Variants in DTNB observed in about 807,000 individuals in gnomAD.
The protein encoded by DTNB is dystrobrevin beta.
DTNB carries 63 observed loss-of-function variants against 90.7 expected under a neutral mutation model. That is an observed-to-expected ratio of 0.69 (90% CI 0.57 to 0.86). The LOEUF (loss-of-function observed/expected upper bound fraction) is 0.86. DTNB is among the 40% of genes least tolerant of loss of function. The pLI is 0.00. For synonymous variants in DTNB, 277 were observed against 286.7 expected (o/e 0.97, Z 0.34); for missense variants, 744 against 807.1 (o/e 0.92, Z 0.95).
intron 3 of DTNB, among the ~76,000 whole-genome samples, chr2:25,637,255 C>G (rs1010535108): frequency 2.0e-5 from 3 of 152,108 alleles, no homozygotes; most frequent in African/African-American, 7.2e-5. Flanking sequence ...CATAAAAACC[C>G]TAGAAGAAAA....
In DTNB at chr2:25,606,191, T is replaced by A. The variant is rs1181585786; in HGVS notation, c.448+1045A>T. ...GATCAAACCTCTGTATCTTTCAATT[T>A]AAAAAAAAAAAGGGCATGGAGGAAT... On this transcript the variant is annotated intron_variant, in intron 5 of 20. Transcript: ENST00000406818. Among the ~76,000 whole-genome samples, 9 of 148,322 alleles carry A rather than the reference T, an allele frequency of 6.1e-5. No homozygotes were observed. The South Asian group carries it at 1.3e-3, about 21-fold the overall frequency.
At chr2:25,463,571 T>C (rs935467988) in intron 10 of DTNB, among the ~76,000 whole-genome samples, 2 of 152,254 alleles carry the variant, frequency 1.3e-5, no homozygotes, top group Non-Finnish European at 2.9e-5. Context: ...CACTGAATTG[T>C]ACATCTTGAA....
At chr2:25,407,274 T>C (rs1388198565) in intron 16 of DTNB, among the ~76,000 whole-genome samples, 1 of 152,116 alleles carries the variant, frequency 6.6e-6, no homozygotes, top group Non-Finnish European at 1.5e-5. Context: ...AAAAACAATA[T>C]ACTTTGGCAT....
At chr2:25,536,114 G>A (rs977214962) in intron 8 of DTNB, among the ~76,000 whole-genome samples, 12 of 148,406 alleles carry the variant, frequency 8.1e-5, no homozygotes, top group South Asian at 2.2e-4. Context: ...CGGGGCGGCC[G>A]GGCAGAGGCA....
chr2:25,522,775 G>A (rs796394551), intron 9 of DTNB, among the ~76,000 whole-genome samples: 21 of 148,792 alleles, frequency 1.4e-4, no homozygotes, highest in African/African-American at 4.5e-4. Context: ...ATCTCGGCTC[G>A]CTGCAACCTC....
chr2:25,603,018 A>G (rs1219881901), intron 5 of DTNB, among the ~76,000 whole-genome samples: 1 of 152,332 alleles, frequency 6.6e-6, no homozygotes, highest in Non-Finnish European at 1.5e-5. Context: ...CTCAAGAAGT[A>G]GACTGAGTGA....
At chr2:25,396,986 T>C (rs539531953) in intron 16 of DTNB, among the ~76,000 whole-genome samples, 21 of 152,182 alleles carry the variant, frequency 1.4e-4, no homozygotes, top group African/African-American at 5.1e-4. Flanking sequence ...AGATTTTAGA[T>C]AACTGAATTT....
chr2:25,632,252 T>C (rs1383178852), intron 3 of DTNB, among the ~76,000 whole-genome samples: 1 of 130,954 alleles, frequency 7.6e-6, no homozygotes, highest in African/African-American at 2.8e-5. Flanking sequence ...CAAATCTCAA[T>C]AAATGTTAAA....
intron 12 of DTNB, among the ~76,000 whole-genome samples, chr2:25,435,270 C>T (rs553774712): frequency 6.6e-6 from 1 of 152,220 alleles, no homozygotes. Flanking sequence ...ATCCACCCAC[C>T]TTGGCCTCCC....
chr2:25,564,310 C>G (rs1232700514), intron 8 of DTNB, among the ~76,000 whole-genome samples: 1 of 152,102 alleles, frequency 6.6e-6, no homozygotes, highest in African/African-American at 2.4e-5. Flanking sequence ...TTGGGGAGTA[C>G]TGTCATTTTA....
At chr2:25,525,926 T>C (rs2077002520) in intron 9 of DTNB, among the ~76,000 whole-genome samples, 1 of 151,656 alleles carries the variant, frequency 6.6e-6, no homozygotes, top group Non-Finnish European at 1.5e-5. Context: ...AAGCAGCAAA[T>C]TCCCACCCAA....
chr2:25,433,143 G>C, intron 13 of DTNB, 144 bp from the exon 14 acceptor site: 1 of 714,896 alleles, frequency 1.4e-6, no homozygotes, highest in Non-Finnish European at 2.3e-6. Context: ...GAGGTGAAAT[G>C]GACACCTTCT....
At chr2:25,638,604 T>C (rs944192774) in intron 3 of DTNB, among the ~76,000 whole-genome samples, 2 of 152,208 alleles carry the variant, frequency 1.3e-5, no homozygotes, top group Non-Finnish European at 2.9e-5. Context: ...TGGTAGCAAT[T>C]ATTTATAGAA....
At chr2:25,665,792 A>G (rs1254796166) in intron 1 of DTNB, among the ~76,000 whole-genome samples, 1 of 144,564 alleles carries the variant, frequency 6.9e-6, no homozygotes, top group African/African-American at 2.5e-5. Flanking sequence ...AAAAAAAAAA[A>G]GGCCAGGGAA....
intron 12 of DTNB, among the ~76,000 whole-genome samples, chr2:25,437,578 A>C (rs1191339473): frequency 1.3e-5 from 2 of 152,078 alleles, no homozygotes; most frequent in Non-Finnish European, 2.9e-5. Flanking sequence ...TACAATCTTA[A>C]ACACCATAGT....
At chr2:25,446,408 G>T (rs1335962383) in intron 12 of DTNB, among the ~76,000 whole-genome samples, 2 of 147,194 alleles carry the variant, frequency 1.4e-5, no homozygotes, top group African/African-American at 5.0e-5. Context: ...GGCTATTTTT[G>T]TTTTTTTTTT....
In DTNB at chr2:25,667,494, CA is replaced by C. The variant is rs995447296; in HGVS notation, c.-2+5891del. Among the ~76,000 whole-genome samples, 24 of 146,322 alleles carry C rather than the reference CA, an allele frequency of 1.6e-4. No homozygotes were observed. In the South Asian group the frequency reaches 4.5e-3, roughly 28 times the overall value. Reference sequence around the variant, plus strand: ...TAGGCGACAGAGCCAGACTCCATCTCAAAAAAAAAAGTCTGTACTTCAAAAC... The same window carrying C: ...TAGGCGACAGAGCCAGACTCCATCTCAAAAAAAAAGTCTGTACTTCAAAAC... On this transcript the variant is annotated intron_variant, in intron 1 of 20. Coordinates refer to ENST00000406818, the MANE Select transcript of DTNB (RefSeq NM_021907.5).
intron 16 of DTNB, among the ~76,000 whole-genome samples, chr2:25,406,898 G>C (rs1352071628): frequency 6.6e-6 from 1 of 152,170 alleles, no homozygotes; most frequent in Non-Finnish European, 1.5e-5. Context: ...ACAGATCTGA[G>C]AGTCTCCTAG....
chr2:25,670,144 G>C (rs951576091), intron 1 of DTNB, among the ~76,000 whole-genome samples: 1 of 152,144 alleles, frequency 6.6e-6, no homozygotes, highest in Non-Finnish European at 1.5e-5. Context: ...GTTGATTCCT[G>C]TGTTCCAACA....
Sources: gnomAD v4.1 joint callset for allele counts (sites outside exome capture counted in the v4.1 genomes callset) on GRCh38, gnomAD v4.1.1 for gene constraint, MANE v1.5 for transcripts, NCBI Gene and HGNC (gene_info 2026-07-23, HGNC 2026-07-21) for gene names.